PARD3: variants seen among roughly 807,000 people sequenced by gnomAD.
PARD3 encodes partitioning defective 3 homolog.
In PARD3, 75 loss-of-function variants were observed where a neutral mutation model predicts 155.4. The observed-to-expected ratio is 0.48, with a 90% confidence interval of 0.40 to 0.58. The LOEUF is 0.58. Among genes scored for constraint, PARD3 ranks in the 20% least tolerant of loss-of-function variants. PARD3 has a pLI of 0.00. For missense variants in PARD3, 1,642 were observed against 1,721.7 expected (o/e 0.95, Z 0.82); for synonymous variants, 576 against 610.5 (o/e 0.94, Z 0.83).
chr10:34,721,480 C>T (rs554624429), intron 1 of PARD3, among the ~76,000 whole-genome samples: 36 of 152,320 alleles, frequency 2.4e-4, no homozygotes, highest in African/African-American at 7.0e-4. Flanking sequence ...TGACCCTCTC[C>T]TCCAACCCCA....
chr10:34,661,150 T>TA, intron 2 of PARD3, among the ~76,000 whole-genome samples: 1 of 152,314 alleles, frequency 6.6e-6, no homozygotes, highest in East Asian at 1.9e-4. Context: ...GCTTTTGACA[T>TA]AACATAGCCC....
chr10:34,747,527 CATCTT>C (rs1387715029), intron 1 of PARD3, among the ~76,000 whole-genome samples: 1 of 152,234 alleles, frequency 6.6e-6, no homozygotes, highest in Non-Finnish European at 1.5e-5. Context: ...CTTTTACTGA[CATCTT>C]ATCTCAACTA....
chr10:34,642,427 A>C (rs2132957996), intron 2 of PARD3, among the ~76,000 whole-genome samples: 2 of 126,152 alleles, frequency 1.6e-5, no homozygotes, highest in African/African-American at 2.9e-5. Flanking sequence ...CCTTCCACTC[A>C]CTCTGCCCCA....
chr10:34,312,300 A>G, intron 20 of PARD3: 1 of 1,605,934 alleles, frequency 6.2e-7, no homozygotes. Flanking sequence ...TAAAAAAAAC[A>G]ACAACTGTGC....
chr10:34,398,237 T>C (rs974652318), intron 7 of PARD3, among the ~76,000 whole-genome samples: 2 of 152,136 alleles, frequency 1.3e-5, no homozygotes, highest in African/African-American at 4.8e-5. Context: ...CTCACCACAG[T>C]TACTTACAAG....
chr10:34,334,598 G>A (rs1835957341), intron 18 of PARD3, among the ~76,000 whole-genome samples: 1 of 151,584 alleles, frequency 6.6e-6, no homozygotes, highest in Non-Finnish European at 1.5e-5. Flanking sequence ...AGGGGACAGG[G>A]AAATAATAAA....
intron 2 of PARD3, among the ~76,000 whole-genome samples, chr10:34,566,623 T>C (rs1217658484): frequency 6.6e-6 from 1 of 152,224 alleles, no homozygotes; most frequent in Non-Finnish European, 1.5e-5. Flanking sequence ...AGGTTTTAAA[T>C]ATGTGAGTTT....
intron 24 of PARD3, 60 bp from the exon 25 acceptor site, chr10:34,111,622 A>G (rs988666359): frequency 6.4e-6 from 9 of 1,397,422 alleles, no homozygotes; most frequent in African/African-American, 5.8e-5. Flanking sequence ...GAGGGAGGAA[A>G]GGGGGCAGGA....
intron 22 of PARD3, among the ~76,000 whole-genome samples, chr10:34,248,576 G>C (rs1023518740): frequency 4.9e-5 from 4 of 81,570 alleles, no homozygotes; most frequent in African/African-American, 4.1e-4. Flanking sequence ...CAGATAACTT[G>C]CCCAACATCC....
chr10:34,480,241 T>C (rs1158911676), intron 3 of PARD3, among the ~76,000 whole-genome samples: 2 of 152,300 alleles, frequency 1.3e-5, no homozygotes, highest in East Asian at 3.9e-4. Flanking sequence ...TGCTTCTCCT[T>C]TTTTGTCTTT....
Position 34,433,901 on chromosome 10 carries a change from C to T in PARD3, c.714+16416G>A, listed in dbSNP as rs572836849. On this transcript the variant is annotated intron_variant, in intron 5 of 24. Coordinates refer to ENST00000374788, the MANE Select transcript of PARD3 (RefSeq NM_001184785.2). ...CAATGCCTCCACACATTGAGTCATG[C>T]CTCCCTCGAAAACAAAGCAAATTAA... Among the ~76,000 whole-genome samples the T allele has an allele frequency of 6.3e-4, 96 of 152,252 alleles. 1 individual carries two copies. Among genetic ancestry groups the T allele is most frequent in the South Asian group, 5.8e-3 (28 of 4,818 alleles).
chr10:34,447,784 G>A (rs1307256516), intron 5 of PARD3, among the ~76,000 whole-genome samples: 8 of 143,736 alleles, frequency 5.6e-5, no homozygotes, highest in Middle Eastern at 3.5e-3. Flanking sequence ...CAGCTTGAGC[G>A]ACACAGCAAG....
At chr10:34,368,809 G>A (rs986797626) in intron 12 of PARD3, among the ~76,000 whole-genome samples, 1 of 127,920 alleles carries the variant, frequency 7.8e-6, no homozygotes, top group African/African-American at 3.1e-5. Flanking sequence ...CGTGTTCTAG[G>A]AAAGCCTATG....
intron 5 of PARD3, among the ~76,000 whole-genome samples, chr10:34,449,592 A>G (rs1172351811): frequency 6.8e-6 from 1 of 146,538 alleles, no homozygotes; most frequent in Non-Finnish European, 1.5e-5. Flanking sequence ...CCTAAAACTT[A>G]AAGTATAAAA....
chr10:34,207,575 C>G (rs963938811), intron 22 of PARD3, among the ~76,000 whole-genome samples: 1 of 152,156 alleles, frequency 6.6e-6, no homozygotes, highest in African/African-American at 2.4e-5. Context: ...CAGGACAAAG[C>G]AAGTTACACA....
chr10:34,595,314 C>G (rs1190911855), intron 2 of PARD3, among the ~76,000 whole-genome samples: 2 of 152,048 alleles, frequency 1.3e-5, no homozygotes, highest in African/African-American at 4.8e-5. Context: ...TAGAAATTTC[C>G]ATTGCAAAAT....
At chr10:34,731,937 T>C (rs74134403) in intron 1 of PARD3, among the ~76,000 whole-genome samples, 1,904 of 152,252 alleles carry the variant, frequency 0.013, 35 homozygotes, top group African/African-American at 0.031. Context: ...TCAGAATTGA[T>C]AGGACAACAA....
chr10:34,513,938 A>G (rs2081554463), intron 3 of PARD3, among the ~76,000 whole-genome samples: 1 of 152,176 alleles, frequency 6.6e-6, no homozygotes, highest in African/African-American at 2.4e-5. Context: ...GGGAGAAAAC[A>G]CTTCTGAGGT....
intron 1 of PARD3, among the ~76,000 whole-genome samples, chr10:34,783,971 G>A (rs1284850118): frequency 6.6e-6 from 1 of 152,156 alleles, no homozygotes; most frequent in East Asian, 1.9e-4. Context: ...TACTTTAACA[G>A]GCTGAGCAGG....
Sources: allele counts gnomAD v4.1 joint callset (sites outside exome capture counted in the v4.1 genomes callset), GRCh38; gene constraint gnomAD v4.1.1; transcripts MANE v1.5; gene names NCBI Gene and HGNC (gene_info 2026-07-23, HGNC 2026-07-21).